The following DNAH17 variants were observed in gnomAD, a reference collection of about 807,000 sequenced individuals.
DNAH17 encodes the protein axonemal beta dynein heavy chain 17.
In DNAH17, 376 loss-of-function variants were observed where a neutral mutation model predicts 485.6. The ratio of observed to expected loss-of-function variants is 0.77; its 90% CI spans 0.71 to 0.84. The LOEUF is 0.84. DNAH17 is among the 40% of genes least tolerant of loss of function. The pLI, the probability that DNAH17 is intolerant of heterozygous loss-of-function variation, is 0.00. For synonymous variants in DNAH17, 3,031 were observed against 2,405.9 expected (o/e 1.26, Z -7.60); for missense variants, 6,370 against 5,839.3 (o/e 1.09, Z -2.96).
intron 48 of DNAH17, 133 bp from the exon 49 acceptor site, chr17:78,480,919 G>A (rs765849636): frequency 2.2e-4 from 143 of 652,642 alleles, no homozygotes; most frequent in Non-Finnish European, 3.4e-4. Flanking sequence ...TGCCCAGGCT[G>A]GAGTGCAGTG....
Position 78,495,902 on chromosome 17 carries a change from A to G in DNAH17, c.5876T>C (p.Leu1959Pro). 6.2e-7 allele frequency: 1 copy of G among 1,613,822 alleles called. No homozygotes were observed. The highest frequency in any genetic ancestry group is 8.5e-7 in the Non-Finnish European group (1 of 1,179,794). Reference protein sequence around the residue: ...MNPGYAGRAELPENLKALFRP... With the variant: ...MNPGYAGRAEPPENLKALFRP... ...GAATAAGGCTTTTAGGTTCTCAGGC[A>G]GCTCCGCGCGTCCGGCGTACCCAGG... The change falls in exon 38 of 81, where the codon CTG becomes CCG. Residue 1959 changes from leucine to proline, a missense_variant. Physicochemically the swap from Leu to Pro is moderately conservative, Grantham distance 98. Transcript: ENST00000389840.
intron 25 of DNAH17, among the ~76,000 whole-genome samples, chr17:78,524,722 G>A (rs952146026): frequency 5.2e-5 from 7 of 134,318 alleles, no homozygotes; most frequent in Admixed American, 5.1e-4. Flanking sequence ...GGTGAGATGT[G>A]AGAGAGAATG....
chr17:78,531,860 T>A (rs779162311), intron 20 of DNAH17, among the ~76,000 whole-genome samples: 1 of 152,272 alleles, frequency 6.6e-6, no homozygotes, highest in Non-Finnish European at 1.5e-5. Flanking sequence ...GTTATTACAC[T>A]GACAGGTGTG....
In DNAH17 at chr17:78,437,697, CGTT is replaced by C. The variant is rs2086895889; in HGVS notation, c.11974_11976del (p.Asn3992del). ...TTGGCGTGCATGCCCGTGGGGGGCT[CGTT>C]GGTGATCTTGATGGCGTTCTCCAGA... On this transcript the variant is annotated inframe_deletion, in exon 74 of 81. Coordinates refer to ENST00000389840, the MANE Select transcript of DNAH17 (RefSeq NM_173628.4). The C allele has an allele frequency of 2.5e-6, 4 of 1,612,026 alleles. No individual in the cohort carries two copies. In the East Asian group the frequency reaches 6.7e-5, roughly 27 times the overall value.
At chr17:78,497,515 G>T (rs563761323) in intron 37 of DNAH17, among the ~76,000 whole-genome samples, 2 of 152,222 alleles carry the variant, frequency 1.3e-5, no homozygotes, top group Non-Finnish European at 2.9e-5. Context: ...CAGAGTAGGG[G>T]CTATATAAAT....
At position 78,560,723 on chromosome 17, in the gene DNAH17, C is replaced by G; in HGVS notation, c.2031+17G>C. On this transcript the variant is annotated intron_variant, in intron 13 of 80. Transcript: ENST00000389840. ...TCCCAAGGAGCCTTTGACGCGGTCC[C>G]CACTCCTGGCACCCACCGCTTTGCT... The G allele has an allele frequency of 6.5e-7, 1 of 1,539,028 alleles. No individual in the cohort carries two copies. The highest frequency in any genetic ancestry group is 8.8e-7 in the Non-Finnish European group (1 of 1,138,292).
rs374945626 is a variant in DNAH17, at chr17:78,459,745, G to A, written c.9653+39C>T. ...TCGTGCCTTGGCCTGATGGAGAATC[G>A]GAGGGAAGCCCCGGCTACGAGGCCC... is the stretch of plus-strand genomic sequence containing the variant. On this transcript the variant is annotated intron_variant, in intron 60 of 80. Coordinates refer to ENST00000389840, the MANE Select transcript of DNAH17 (RefSeq NM_173628.4). 167 of 1,609,354 alleles carry A rather than the reference G, an allele frequency of 1.0e-4. 2 individuals carry two copies. In the South Asian group the frequency reaches 1.3e-3, roughly 13 times the overall value.
chr17:78,450,961 C>G, intron 66 of DNAH17, 115 bp from the exon 67 acceptor site: 1 of 1,338,818 alleles, frequency 7.5e-7, no homozygotes. Context: ...GCGGGAGGAA[C>G]GAGCTCAGGT....
rs144233814 is a variant in DNAH17, at chr17:78,515,029, C to G, written c.3865-7G>C. The G allele has an allele frequency of 2.3e-5, 37 of 1,612,584 alleles. No individual in the cohort carries two copies. Among genetic ancestry groups the G allele is most frequent in the Non-Finnish European group, 3.1e-5 (37 of 1,178,808 alleles). ...CCTCGATGCTGGTATTTACCTGAAA[C>G]GAAAACATCCCGTTTCTCCTTCCAC... On this transcript the variant is annotated splice_region_variant and splice_polypyrimidine_tract_variant and intron_variant, in intron 25 of 80. Coordinates refer to ENST00000389840, the MANE Select transcript of DNAH17 (RefSeq NM_173628.4).
chr17:78,480,204 C>T (rs753795687), intron 49 of DNAH17, among the ~76,000 whole-genome samples: 2 of 151,610 alleles, frequency 1.3e-5, no homozygotes, highest in African/African-American at 2.4e-5. Context: ...CAAAAATTAG[C>T]CAGGTGTGGT....
rs765955985 is a variant in DNAH17, at chr17:78,425,548, GTC to G, written c.12937_12938del (p.Asp4313LeufsTer80). 1.9e-6 allele frequency: 3 copies of G among 1,612,668 alleles called. No homozygotes were observed. Among genetic ancestry groups the G allele is most frequent in the Non-Finnish European group, 1.7e-6 (2 of 1,179,264 alleles). ...RIRELEAWTTDFALPTTVWLA... is the reference protein window; with the variant it reads ...RIRELEAWTTXFALPTTVWLA... ...GCCACACGGTGGTGGGCAGGGCAAA[GTC>G]TGTCGTCCAGGCCTCGAGTTCCTGC... On this transcript the variant is annotated frameshift_variant, in exon 80 of 81. Coordinates refer to ENST00000389840, the MANE Select transcript of DNAH17 (RefSeq NM_173628.4). LOFTEE classifies it high-confidence loss of function.
rs201052772 is a variant in DNAH17 at position 78,532,672 on chromosome 17, T to C, written c.2924A>G (p.Asn975Ser). 2.9e-5 allele frequency: 47 copies of C among 1,594,306 alleles called. No homozygotes were observed. In the African/African-American group the frequency reaches 5.8e-4, roughly 20 times the overall value. Reference protein sequence around the residue: ...MREEVSSLVINAMKEAEEYQD... With the variant: ...MREEVSSLVISAMKEAEEYQD... ...GTACTCCTCGGCCTCCTTCATGGCA[T>C]TGATGACCAGGCTGGACACCTCCTC... is the stretch of plus-strand genomic sequence containing the variant. Residue 975 changes from asparagine to serine, a missense_variant, in exon 20 of 81, where the codon AAT (asparagine) becomes AGT (serine). Physicochemically the swap from Asn to Ser is conservative, Grantham distance 46 (BLOSUM62 1). Transcript: ENST00000389840.
intron 10 of DNAH17, 68 bp downstream of exon 10, chr17:78,566,928 CCCT>C: frequency 6.5e-7 from 1 of 1,528,266 alleles, no homozygotes; most frequent in Non-Finnish European, 8.8e-7. Context: ...CCCATCACAC[CCCT>C]AAGCTGGTAC....
intron 10 of DNAH17, 40 bp downstream of exon 10, chr17:78,566,959 T>G: frequency 6.3e-7 from 1 of 1,579,850 alleles, no homozygotes; most frequent in Non-Finnish European, 8.6e-7. Context: ...GGTGCTGTTC[T>G]CACCGAGTCC....
intron 71 of DNAH17, among the ~76,000 whole-genome samples, chr17:78,441,469 C>T (rs2087072933): frequency 6.6e-6 from 1 of 152,044 alleles, no homozygotes; most frequent in Admixed American, 6.6e-5. Flanking sequence ...GAGAGGCCAG[C>T]CTTGGAAGGC....
intron 63 of DNAH17, among the ~76,000 whole-genome samples, 191 bp from the exon 64 acceptor site, chr17:78,454,896 A>G (rs1336734837): frequency 1.3e-5 from 2 of 151,194 alleles, no homozygotes; most frequent in Non-Finnish European, 2.9e-5. Flanking sequence ...CGATGTCAGC[A>G]CAGCAACACC....
At chr17:78,512,276 G>A (rs186312232) in intron 26 of DNAH17, among the ~76,000 whole-genome samples, 14 of 152,172 alleles carry the variant, frequency 9.2e-5, no homozygotes, top group African/African-American at 3.4e-4. Flanking sequence ...CGTTGTTCTT[G>A]CATTCTTTCA....
At chr17:78,560,045 C>G (rs932715853) in intron 13 of DNAH17, among the ~76,000 whole-genome samples, 3 of 152,142 alleles carry the variant, frequency 2.0e-5, no homozygotes, top group African/African-American at 2.4e-5. Flanking sequence ...TCCGCGGAAC[C>G]TGTTGCACCT....
At chr17:78,523,921 A>G (rs576957647) in intron 25 of DNAH17, among the ~76,000 whole-genome samples, 1 of 152,350 alleles carries the variant, frequency 6.6e-6, no homozygotes, top group Admixed American at 6.5e-5. Context: ...AAATAAATAA[A>G]AATACTTTTT....
Sources: allele counts gnomAD v4.1 joint callset (sites outside exome capture counted in the v4.1 genomes callset), GRCh38; gene constraint gnomAD v4.1.1; transcripts MANE v1.5; gene names NCBI Gene and HGNC (gene_info 2026-07-23, HGNC 2026-07-21).